The following PSD4 variants were observed in gnomAD, a reference collection of about 807,000 sequenced individuals.
PSD4 encodes the protein pleckstrin and Sec7 domain containing 4.
PSD4 carries 59 observed loss-of-function variants against 112.5 expected under a neutral mutation model. The observed-to-expected ratio is 0.52, with a 90% CI of 0.43 to 0.65. The LOEUF (loss-of-function observed/expected upper bound fraction) is 0.65, where lower values mean the gene tolerates loss of function less well. Among genes scored for constraint, PSD4 ranks in the 30% least tolerant of loss-of-function variants. The pLI is 0.00. For missense variants in PSD4, 1,267 were observed against 1,352.6 expected (o/e 0.94, Z 0.99); for synonymous variants, 533 against 540.0 (o/e 0.99, Z 0.18).
rs1688777828 is a variant in PSD4 at position 113,201,445 on chromosome 2, C to T, written c.*30C>T. On this transcript the variant is annotated 3_prime_UTR_variant, in exon 17 of 17. Transcript: ENST00000245796. ...AGCACCACCTCAGAGACACTGTTCC[C>T]TGCTCCAGGGTAGACCTGAGATGAA... is the stretch of plus-strand genomic sequence containing the variant. 6.2e-7 allele frequency: 1 copy of T among 1,609,792 alleles called. No homozygotes were observed. Among genetic ancestry groups the T allele is most frequent in the South Asian group, 1.1e-5 (1 of 90,878 alleles).
rs1573382273 is a variant in PSD4, at chr2:113,201,327, C to T, written c.3083C>T (p.Ala1028Val). Residue 1028 changes from alanine (A) to valine (V), a missense_variant, in exon 17 of 17, where the codon GCT (alanine) becomes GTT (valine). Coordinates refer to ENST00000245796, the MANE Select transcript of PSD4 (RefSeq NM_012455.3). The part of the protein sequence containing the change: ...HSSPSLHQDE[A>V]PTTAKVKRNI... ...AGCCCGTCCCTGCACCAGGATGAGG[C>T]TCCCACCACGGCCAAGGTGAAGCGC... 6.2e-7 allele frequency: 1 copy of T among 1,614,200 alleles called. No homozygotes were observed. The highest frequency in any genetic ancestry group is 8.5e-7 in the Non-Finnish European group (1 of 1,180,038).
Position 113,182,451 on chromosome 2 carries a change from C to T in PSD4, c.-6C>T, listed in dbSNP as rs11538807. 1.3e-6 allele frequency: 2 copies of T among 1,596,840 alleles called. No homozygotes were observed. Among genetic ancestry groups the T allele is most frequent in the Non-Finnish European group, 1.7e-6 (2 of 1,169,016 alleles). ...GGGGCACTCCTGGGCAGCTTTTGCT[C>T]AGTGGATGATGGGTGACTACAGACT... On this transcript the variant is annotated 5_prime_UTR_variant, in exon 2 of 17. Transcript: ENST00000245796.
intron 5 of PSD4, among the ~76,000 whole-genome samples, chr2:113,189,364 T>TAC (rs1365929207): frequency 6.6e-6 from 1 of 150,502 alleles, no homozygotes; most frequent in Non-Finnish European, 1.5e-5. Flanking sequence ...TATATATATA[T>TAC]ATACACACAC....
At chr2:113,186,457 T>A (rs1025024578) in intron 5 of PSD4, among the ~76,000 whole-genome samples, 15 of 152,166 alleles carry the variant, frequency 9.9e-5, no homozygotes, top group Non-Finnish European at 1.6e-4. Flanking sequence ...CAGCAGATAG[T>A]TATACACGTG....
In PSD4 at chr2:113,184,982, C is replaced by A; in HGVS notation, c.1082C>A (p.Ser361Tyr). Residue 361 changes from serine (S) to tyrosine (Y), a missense_variant, in exon 3 of 17, where the codon TCT becomes TAT. Around this residue, in one of 2 missense-constraint regions of PSD4, gnomAD observed 723 missense variants for 704.0 expected, o/e 1.03. Transcript: ENST00000245796. ...GGAGATAGGCTTGGTCCTGCTCCAT[C>A]TGCAGCACCGTGTGTGGACGAAGCA... ...SEGDRLGPAP[S>Y]AAPCVDEALT... The A allele has an allele frequency of 6.2e-7, 1 of 1,614,248 alleles. No individual in the cohort carries two copies. Among genetic ancestry groups the A allele is most frequent in the Non-Finnish European group, 8.5e-7 (1 of 1,180,036 alleles).
At position 113,201,306 on chromosome 2, in the gene PSD4, C is replaced by T. The variant is rs1558661702; in HGVS notation, c.3062C>T (p.Pro1021Leu). 7 of 1,614,156 alleles carry T rather than the reference C, an allele frequency of 4.3e-6. No individual in the cohort carries two copies. Among genetic ancestry groups the T allele is most frequent in the East Asian group, 4.5e-5 (2 of 44,880 alleles). Residue 1021 changes from proline to leucine, a missense_variant, in exon 17 of 17, where the codon CCG (proline) becomes CTG (leucine). Pro to Leu is a moderately conservative substitution (Grantham distance 98). Around this residue, in one of 2 missense-constraint regions of PSD4, gnomAD observed 544 missense variants for 648.6 expected, o/e 0.84. Coordinates refer to ENST00000245796, the MANE Select transcript of PSD4 (RefSeq NM_012455.3). Reference protein sequence around the residue: ...KLSLKKSHSSPSLHQDEAPTT... With the variant: ...KLSLKKSHSSLSLHQDEAPTT... ...AGCCTGAAGAAGTCCCACTCGAGCC[C>T]GTCCCTGCACCAGGATGAGGCTCCC...
chr2:113,197,198 C>T, intron 12 of PSD4: 1 of 360,524 alleles, frequency 2.8e-6, no homozygotes. Context: ...TCAAGATCAT[C>T]CTGCAGGGAC....
At chr2:113,198,677 G>A in intron 14 of PSD4, 63 bp from the exon 15 acceptor site, 1 of 1,485,560 alleles carries the variant, frequency 6.7e-7, no homozygotes, top group Non-Finnish European at 8.9e-7. Flanking sequence ...ACAGGAGGGG[G>A]CGGGAGGAGG....
At chr2:113,198,634 G>A in intron 14 of PSD4, 106 bp from the exon 15 acceptor site, 1 of 1,359,762 alleles carries the variant, frequency 7.4e-7, no homozygotes, top group African/African-American at 1.5e-5. Flanking sequence ...GGGAGGCTGA[G>A]TTCTGAGCAG....
chr2:113,197,373 G>A, intron 12 of PSD4, 191 bp from the exon 13 acceptor site: 5 of 659,222 alleles, frequency 7.6e-6, no homozygotes, highest in South Asian at 5.2e-5. Context: ...CCTGTGTGTG[G>A]AGAGACTCTA....
chr2:113,201,093 G>A (rs1318974374), intron 16 of PSD4, 65 bp from the exon 17 acceptor site: 23 of 1,543,306 alleles, frequency 1.5e-5, no homozygotes, highest in Non-Finnish European at 1.8e-5. Context: ...TGTCCCTCAC[G>A]ATTCTAGCCT....
At position 113,186,002 on chromosome 2, in the gene PSD4, A is replaced by G. The variant is rs1688289891; in HGVS notation, c.1375A>G (p.Arg459Gly). Residue 459 changes from arginine (R) to glycine (G), a missense_variant, in exon 5 of 17, where the codon AGG (arginine) becomes GGG (glycine). This residue lies in a region of PSD4 where 723 missense variants were observed against 704.0 expected (regional missense o/e 1.03). Transcript: ENST00000245796. ...ATCTGAGAGCAGAGGCCCTGGTCCCAGGCCCAGCCCTGCATCGTCCCAGGA... is the reference window on the plus strand; with the variant it reads ...ATCTGAGAGCAGAGGCCCTGGTCCCGGGCCCAGCCCTGCATCGTCCCAGGA... ...PESESRGPGP[R>G]PSPASSQEGS... 6.2e-7 allele frequency: 1 copy of G among 1,614,074 alleles called. No individual in the cohort carries two copies. The highest frequency in any genetic ancestry group is 1.3e-5 in the African/African-American group (1 of 74,952).
At chr2:113,191,165 G>C (rs1424332448) in intron 5 of PSD4, among the ~76,000 whole-genome samples, 1 of 152,240 alleles carries the variant, frequency 6.6e-6, no homozygotes, top group Non-Finnish European at 1.5e-5. Context: ...ATCACCCAAA[G>C]ACCTTGTGAT....
intron 11 of PSD4, 37 bp downstream of exon 11, chr2:113,195,807 C>T: frequency 1.2e-6 from 2 of 1,613,308 alleles, no homozygotes; most frequent in Non-Finnish European, 1.7e-6. Flanking sequence ...CCTCTCACCC[C>T]TCTCCCCTGT....
chr2:113,181,703 G>C (rs1448186415), intron 1 of PSD4, among the ~76,000 whole-genome samples: 1 of 152,214 alleles, frequency 6.6e-6, no homozygotes, highest in African/African-American at 2.4e-5. Flanking sequence ...GCTGAGTTAA[G>C]CAGAGAGCCC....
intron 15 of PSD4, 25 bp from the exon 16 acceptor site, chr2:113,199,058 G>GC: frequency 6.6e-7 from 1 of 1,518,758 alleles, no homozygotes; most frequent in Non-Finnish European, 8.8e-7. Context: ...CCGGGACAGC[G>GC]CCCCTCACCG....
At chr2:113,178,636 G>T (rs1688040645) in intron 1 of PSD4, among the ~76,000 whole-genome samples, 1 of 152,024 alleles carries the variant, frequency 6.6e-6, no homozygotes, top group Admixed American at 6.6e-5. Context: ...GTCCTTTCTA[G>T]CAGGCCCAGC....
rs45444494 is a variant in PSD4, at chr2:113,198,346, A to T, written c.2625-394A>T. Among the ~76,000 whole-genome samples, 519 of 152,290 alleles carry T rather than the reference A, an allele frequency of 3.4e-3. 4 individuals are homozygous for T. Among genetic ancestry groups the T allele is most frequent in the Middle Eastern group, 0.014 (4 of 294 alleles). On this transcript the variant is annotated intron_variant, in intron 14 of 16. Transcript: ENST00000245796. ...AGTGCAGTGACTCTCACCTCGGCTC[A>T]CTGCAACCGCCGCCTCCCGGGTTCA...
chr2:113,201,377 C>G lies in PSD4; in HGVS notation c.3133C>G (p.Arg1045Gly), dbSNP rs766489175. 5 of 1,614,142 alleles carry G rather than the reference C, an allele frequency of 3.1e-6. No individual in the cohort carries two copies. The highest frequency in any genetic ancestry group is 4.2e-6 in the Non-Finnish European group (5 of 1,180,032). The change falls in exon 17 of 17, where the codon CGG becomes GGG. Residue 1045 changes from arginine to glycine, a missense_variant. Arg to Gly is a moderately radical substitution (Grantham distance 125). Around this residue, in one of 2 missense-constraint regions of PSD4, gnomAD observed 544 missense variants for 648.6 expected, o/e 0.84. Coordinates refer to ENST00000245796, the MANE Select transcript of PSD4 (RefSeq NM_012455.3). Reference sequence around the variant, plus strand: ...CAACATCTCAGAGCGCAGAACCTACCGGAAGATCATCCCTAAGCGGAACCG... The same window carrying G: ...CAACATCTCAGAGCGCAGAACCTACGGGAAGATCATCCCTAAGCGGAACCG... Reference protein sequence around the residue: ...KRNISERRTYRKIIPKRNRNQ... With the variant: ...KRNISERRTYGKIIPKRNRNQ...
Sources: gnomAD v4.1 joint callset for allele counts (sites outside exome capture counted in the v4.1 genomes callset) on GRCh38, gnomAD v4.1.1 for gene constraint, gnomAD v4.1.1 regional missense constraint, MANE v1.5 for transcripts, NCBI Gene and HGNC (gene_info 2026-07-23, HGNC 2026-07-21) for gene names.